TBK1: variants seen among roughly 807,000 people sequenced by gnomAD.
TBK1 encodes serine/threonine-protein kinase TBK1.
A neutral mutation model predicts 99.9 loss-of-function variants in TBK1; 37 were observed. The ratio of observed to expected loss-of-function variants is 0.37; its 90% confidence interval spans 0.28 to 0.49. The LOEUF is 0.49. Among genes scored for constraint, TBK1 ranks in the 20% least tolerant of loss-of-function variants. The pLI, the probability that TBK1 is intolerant of heterozygous loss-of-function variation, is 0.98. For missense variants in TBK1, 644 were observed against 872.5 expected, an observed-to-expected ratio of 0.74 and a Z score of 3.30; for synonymous variants, 258 against 279.8, an observed-to-expected ratio of 0.92 and a Z score of 0.78.
rs374208742 is a variant in TBK1 at position 64,484,383 on chromosome 12, G to A, written c.1073G>A (p.Arg358His). The A allele has an allele frequency of 4.4e-5, 71 of 1,613,980 alleles. No homozygotes were observed. Among genetic ancestry groups the A allele is most frequent in the African/African-American group, 3.9e-4 (29 of 75,018 alleles). The change falls in exon 9 of 21, where the codon CGC (arginine) becomes CAC (histidine). Residue 358 changes from arginine to histidine, a missense_variant. Arg to His is a conservative substitution (Grantham distance 29). Around this residue, in one of 3 missense-constraint regions of TBK1, gnomAD observed 465 missense variants for 588.0 expected, o/e 0.79. Coordinates refer to ENST00000331710, the MANE Select transcript of TBK1 (RefSeq NM_013254.4). ...CAAGAACTTATCTACGAAGGGCGAC[G>A]CTTAGTCTTAGAACCTGGAAGGCTG... is the stretch of plus-strand genomic sequence containing the variant. Reference protein sequence around the residue: ...SNQELIYEGRRLVLEPGRLAQ... With the variant: ...SNQELIYEGRHLVLEPGRLAQ...
chr12:64,460,155 G>T, intron 2 of TBK1, 34 bp from the exon 3 acceptor site: 1 of 1,365,334 alleles, frequency 7.3e-7, no homozygotes, highest in South Asian at 1.5e-5. Context: ...ACAATATTAT[G>T]AATAAATAAA....
intron 15 of TBK1, 122 bp downstream of exon 15, chr12:64,495,897 G>A: frequency 1.8e-6 from 1 of 562,112 alleles, no homozygotes; most frequent in South Asian, 3.6e-5. Context: ...TCAGAGATGT[G>A]ATTCTGTCAG....
chr12:64,456,341 G>A (rs192642371), intron 2 of TBK1, among the ~76,000 whole-genome samples: 1 of 152,240 alleles, frequency 6.6e-6, no homozygotes, highest in East Asian at 1.9e-4. Context: ...GATGTGTATT[G>A]GGAGGGGAAC....
At chr12:64,497,621 C>CTTTTTTTTTTTTTTTTT in intron 18 of TBK1, 27 bp from the exon 19 acceptor site, 1 of 962,998 alleles carries the variant, frequency 1.0e-6, no homozygotes, top group Non-Finnish European at 1.5e-6. Flanking sequence ...GGGTTTTTTT[C>CTTTTTTTTTTTTTTTTT]TTTTTTTTTT....
At chr12:64,454,753 T>G (rs2040466963) in intron 1 of TBK1, among the ~76,000 whole-genome samples, 1 of 137,988 alleles carries the variant, frequency 7.2e-6, no homozygotes, top group East Asian at 2.4e-4. Flanking sequence ...CTCGGCTCAC[T>G]GCAAGCTCCG....
chr12:64,474,505 A>G (rs1263125186), intron 6 of TBK1, 115 bp downstream of exon 6: 6 of 1,049,044 alleles, frequency 5.7e-6, no homozygotes, highest in African/African-American at 1.6e-5. Flanking sequence ...ATCATTTCTG[A>G]TATTTTAAGC....
intron 4 of TBK1, among the ~76,000 whole-genome samples, chr12:64,465,280 A>C (rs1261932687): frequency 6.7e-6 from 1 of 149,856 alleles, no homozygotes; most frequent in Non-Finnish European, 1.5e-5. Flanking sequence ...GTTGGCAAGA[A>C]TATGGAGAAT....
In TBK1 at chr12:64,472,255, C is replaced by T. The variant is rs1257433707; in HGVS notation, c.541-1975C>T. Among the ~76,000 whole-genome samples, 6 of 144,448 alleles carry T rather than the reference C, an allele frequency of 4.2e-5. No homozygotes were observed. The South Asian group carries it at 6.6e-4, about 16-fold the overall frequency. 94.8% of individuals were successfully genotyped at this position (144,448 alleles called of 152,430 possible). Reference sequence around the variant, plus strand: ...CTTTTTCCCACCCCCATCTCCAGCACCCCCCCACCACCCCGACCCTCAGAA... The same window carrying T: ...CTTTTTCCCACCCCCATCTCCAGCATCCCCCCACCACCCCGACCCTCAGAA... On this transcript the variant is annotated intron_variant, in intron 5 of 20. Coordinates refer to ENST00000331710, the MANE Select transcript of TBK1 (RefSeq NM_013254.4).
At chr12:64,500,331 C>T (rs2040976401) in intron 20 of TBK1, among the ~76,000 whole-genome samples, 1 of 152,170 alleles carries the variant, frequency 6.6e-6, no homozygotes, top group Non-Finnish European at 1.5e-5. Context: ...CTTTCTCCTA[C>T]TCCCTTAAAC....
At chr12:64,484,687 G>A (rs2040801350) in intron 9 of TBK1, among the ~76,000 whole-genome samples, 188 bp downstream of exon 9, 1 of 152,136 alleles carries the variant, frequency 6.6e-6, no homozygotes, top group Non-Finnish European at 1.5e-5. Context: ...AAGAGGCAGA[G>A]GTTGCAGTAA....
At chr12:64,490,215 G>A (rs2040856283) in intron 13 of TBK1, 96 bp downstream of exon 13, 1 of 806,284 alleles carries the variant, frequency 1.2e-6, no homozygotes, top group East Asian at 2.9e-5. Context: ...AGGCATGGTA[G>A]TACACACCTA....
chr12:64,456,567 G>A (rs528648789), intron 2 of TBK1, among the ~76,000 whole-genome samples: 10 of 152,316 alleles, frequency 6.6e-5, no homozygotes, highest in African/African-American at 1.9e-4. Context: ...GGGGCCGGGC[G>A]CGGTGGCTCA....
At chr12:64,485,651 C>T in intron 10 of TBK1, 138 bp downstream of exon 10, 1 of 487,786 alleles carries the variant, frequency 2.1e-6, no homozygotes. Context: ...ATACCCTTTC[C>T]AAGTGATTTT....
chr12:64,466,773 A>G (rs2040609162), intron 4 of TBK1, 128 bp from the exon 5 acceptor site: 1 of 471,810 alleles, frequency 2.1e-6, no homozygotes, highest in Non-Finnish European at 3.4e-6. Flanking sequence ...TCTTTGAGTA[A>G]AATTACTTTG....
At chr12:64,489,981 C>G in intron 12 of TBK1, 60 bp from the exon 13 acceptor site, 1 of 1,002,270 alleles carries the variant, frequency 1.0e-6, no homozygotes. Flanking sequence ...TATAAAACAT[C>G]TTTTTAAAAC....
chr12:64,466,099 G>C (rs1469067303), intron 4 of TBK1, among the ~76,000 whole-genome samples: 1 of 152,134 alleles, frequency 6.6e-6, no homozygotes. Flanking sequence ...TACAATGAGA[G>C]AGAAACAATA....
At chr12:64,500,586 C>A (rs558238220) in intron 20 of TBK1, among the ~76,000 whole-genome samples, 1 of 152,106 alleles carries the variant, frequency 6.6e-6, no homozygotes, top group Non-Finnish European at 1.5e-5. Flanking sequence ...ACTCCTGTTA[C>A]CTAAAAAGTC....
intron 13 of TBK1, among the ~76,000 whole-genome samples, chr12:64,493,558 T>C (rs1250284372): frequency 6.6e-6 from 1 of 151,896 alleles, no homozygotes; most frequent in Non-Finnish European, 1.5e-5. Context: ...ACCTGGGAGA[T>C]GGAGGTTGCT....
In TBK1 at chr12:64,459,003, G is replaced by T. The variant is rs11175399; in HGVS notation, c.88-1186G>T. ...GAGGGGAATCACATAGGATTATGAAGCAGTTAAATGGCCTTAAGAAAAGGA... is the reference window on the plus strand; with the variant it reads ...GAGGGGAATCACATAGGATTATGAATCAGTTAAATGGCCTTAAGAAAAGGA... On this transcript the variant is annotated intron_variant, in intron 2 of 20. Coordinates refer to ENST00000331710, the MANE Select transcript of TBK1 (RefSeq NM_013254.4). Among the ~76,000 whole-genome samples the T allele has an allele frequency of 2.0e-5, 3 of 152,274 alleles. No homozygotes were observed. In the South Asian group the frequency reaches 6.2e-4, roughly 32 times the overall value.
Sources: allele counts gnomAD v4.1 joint callset (sites outside exome capture counted in the v4.1 genomes callset), GRCh38; gene constraint gnomAD v4.1.1; regional missense constraint gnomAD v4.1.1; transcripts MANE v1.5; gene names NCBI Gene and HGNC (gene_info 2026-07-23, HGNC 2026-07-21).